Variants in FAM133B observed in about 807,000 individuals in gnomAD.
FAM133B encodes the protein protein FAM133B.
FAM133B carries 25 observed loss-of-function variants against 46.4 expected under a neutral mutation model. That is an observed-to-expected ratio of 0.54 (90% CI 0.39 to 0.75). The LOEUF is 0.75. Ranked by LOEUF, FAM133B falls within the 30% of genes least tolerant of loss-of-function variation. FAM133B has a pLI of 0.00. For missense variants in FAM133B, 205 were observed against 277.6 expected (o/e 0.74, Z 1.86); for synonymous variants, 75 against 86.0 (o/e 0.87, Z 0.71).
At chr7:92,588,705 AT>A (rs1294932334) in intron 1 of FAM133B, among the ~76,000 whole-genome samples, 2 of 152,154 alleles carry the variant, frequency 1.3e-5, no homozygotes, top group East Asian at 3.9e-4. Flanking sequence ...AGGTGACTGG[AT>A]CATGGGGGCG....
intron 8 of FAM133B, among the ~76,000 whole-genome samples, chr7:92,570,580 A>G (rs1478125228): frequency 1.3e-5 from 2 of 152,118 alleles, no homozygotes; most frequent in Non-Finnish European, 2.9e-5. Context: ...TCATTTTATT[A>G]TTTTTCATGG....
At chr7:92,587,731 C>CTAAA (rs139069427) in intron 1 of FAM133B, among the ~76,000 whole-genome samples, 19 of 152,076 alleles carry the variant, frequency 1.2e-4, no homozygotes, top group African/African-American at 3.1e-4. Flanking sequence ...GATACTGTGT[C>CTAAA]TAAATAAATA....
intron 8 of FAM133B, 98 bp from the exon 9 acceptor site, chr7:92,570,013 A>T: frequency 2.0e-6 from 1 of 490,938 alleles, no homozygotes; most frequent in Non-Finnish European, 3.3e-6. Flanking sequence ...TATTATAATT[A>T]CCCATTTTTA....
chr7:92,575,978 T>C (rs936677077), intron 7 of FAM133B, 157 bp from the exon 8 acceptor site: 4 of 371,104 alleles, frequency 1.1e-5, no homozygotes, highest in African/African-American at 2.1e-5. Flanking sequence ...ATATAAGTTA[T>C]GTATACATTT....
Position 92,575,801 on chromosome 7 carries a change from CT to C in FAM133B, c.485del (p.Lys162ArgfsTer108), listed in dbSNP as rs1562893496. On this transcript the variant is annotated frameshift_variant, in exon 8 of 11. Transcript: ENST00000445716. LOFTEE classifies it high-confidence loss of function. ...CTTTCTCAGTTCCATCTTTTGACTT[CT>C]TTTTCTTTTTTAAACTATCCTAAAC... ...SDSKDSLKKK[K>X]KSKDGTEKEK... The C allele has an allele frequency of 2.2e-6, 3 of 1,364,038 alleles. No homozygotes were observed. Among genetic ancestry groups the C allele is most frequent in the South Asian group, 1.2e-5 (1 of 84,674 alleles). 84.5% of individuals were successfully genotyped at this position (1,364,038 alleles called of 1,614,324 possible).
intron 6 of FAM133B, 199 bp downstream of exon 6, chr7:92,577,456 T>G (rs1229258053): frequency 2.2e-6 from 1 of 458,108 alleles, no homozygotes; most frequent in African/African-American, 2.0e-5. Context: ...ACAAAACAAA[T>G]TTTAAAATCT....
chr7:92,590,390 C>T lies in FAM133B; in HGVS notation c.-99G>A, dbSNP rs149737318. The T allele has an allele frequency of 1.3e-3, 2,122 of 1,575,560 alleles. 29 individuals carry two copies. The African/African-American group carries it at 0.026, about 19-fold the overall frequency. On this transcript the variant is annotated 5_prime_UTR_variant, in exon 1 of 11. Transcript: ENST00000445716. ...AGGTCCTCTTGCCGCCTCCCCACTC[C>T]GCCTAGAGAGCGGCACCACGCGGAC...
chr7:92,569,585 T>C (rs1373300262), intron 9 of FAM133B: 1 of 254,446 alleles, frequency 3.9e-6, no homozygotes, highest in African/African-American at 2.2e-5. Flanking sequence ...ATTAGAAGAC[T>C]AAAAATATCT....
At chr7:92,563,539 T>C (rs552293806) in intron 10 of FAM133B, among the ~76,000 whole-genome samples, 24 of 152,166 alleles carry the variant, frequency 1.6e-4, no homozygotes, top group Non-Finnish European at 2.9e-4. Context: ...CTTCCTTCCA[T>C]TGTTTACCAC....
In FAM133B at chr7:92,561,202, C is replaced by T. The variant is rs944785053; in HGVS notation, c.*1080G>A. Reference sequence around the variant, plus strand: ...GTAAGTCTCAGCTTCAATATGAAGCCGTTTTTTTTTTTTAATCAAAACCCT... The same window carrying T: ...GTAAGTCTCAGCTTCAATATGAAGCTGTTTTTTTTTTTTAATCAAAACCCT... On this transcript the variant is annotated 3_prime_UTR_variant, in exon 11 of 11. Transcript: ENST00000445716. 26 of 141,730 alleles carry T rather than the reference C, an allele frequency of 1.8e-4. No individual in the cohort carries two copies. The highest frequency in any genetic ancestry group is 6.5e-4 in the African/African-American group (24 of 37,090). 8.8% of individuals were successfully genotyped at this position (141,730 alleles called of 1,614,324 possible).
In FAM133B at chr7:92,577,139, A is replaced by C. The variant is rs547419261; in HGVS notation, c.429T>G (p.Ser143=). 1.5e-5 allele frequency: 22 copies of C among 1,502,514 alleles called. No homozygotes were observed. In the East Asian group the frequency reaches 5.4e-4, roughly 37 times the overall value. 93.1% of individuals were successfully genotyped at this position (1,502,514 alleles called of 1,614,324 possible). ...KKKKNRSHKS[S]ESSMSETESD... ...ATTCAGTTTCTGACATGGAGCTTTC[A>C]GAAGATTTATGTGAACGGTTCTTCT... Residue 143 remains serine, a synonymous_variant, in exon 7 of 11, where the codon TCT becomes TCG. Coordinates refer to ENST00000445716, the MANE Select transcript of FAM133B (RefSeq NM_152789.4).
chr7:92,587,857 A>G (rs1026718665), intron 1 of FAM133B, among the ~76,000 whole-genome samples: 2 of 152,160 alleles, frequency 1.3e-5, no homozygotes, highest in Non-Finnish European at 2.9e-5. Context: ...AATTTTAACA[A>G]ATGTACCACT....
intron 8 of FAM133B, among the ~76,000 whole-genome samples, chr7:92,570,957 C>G (rs1405725854): frequency 6.6e-6 from 1 of 152,278 alleles, no homozygotes; most frequent in Non-Finnish European, 1.5e-5. Flanking sequence ...CTGTCTGGAA[C>G]CTGCTCTTCT....
chr7:92,568,394 G>A (rs1009841521), intron 9 of FAM133B, among the ~76,000 whole-genome samples: 1 of 152,066 alleles, frequency 6.6e-6, no homozygotes, highest in Non-Finnish European at 1.5e-5. Context: ...TTTCACTCTT[G>A]TTGCCCAGGC....
intron 1 of FAM133B, 108 bp from the exon 2 acceptor site, chr7:92,581,711 G>A (rs1438237202): frequency 1.3e-6 from 1 of 785,520 alleles, no homozygotes; most frequent in East Asian, 2.8e-5. Context: ...ATCCAGCTAA[G>A]TATATGCAAT....
intron 1 of FAM133B, chr7:92,585,480 G>T (rs1019215477): frequency 2.3e-5 from 12 of 525,802 alleles, no homozygotes; most frequent in Admixed American, 6.4e-5. Flanking sequence ...AGGATATTCA[G>T]GTCTAAATTA....
Position 92,562,354 on chromosome 7 carries a change from CTTTTTTG to C in FAM133B, c.665_671del (p.Thr222ArgfsTer46). ...TACTGTGTTTCTTATGCTTCTTTTT[CTTTTTTG>C]TTTTTTCCTGTAAAGATAATTCCAT... is the stretch of plus-strand genomic sequence containing the variant. On this transcript the variant is annotated frameshift_variant, in exon 11 of 11. Coordinates refer to ENST00000445716, the MANE Select transcript of FAM133B (RefSeq NM_152789.4). LOFTEE classifies it high-confidence loss of function. 6.5e-7 allele frequency: 1 copy of C among 1,532,660 alleles called. No individual in the cohort carries two copies. The highest frequency in any genetic ancestry group is 8.7e-7 in the Non-Finnish European group (1 of 1,144,948). The allele number at this position is 1,532,660 out of a possible 1,614,324, so 94.9% of individuals were successfully genotyped here. A position where few individuals can be genotyped will look rare whatever the true frequency, so the allele number is the denominator to read the frequency against.
At chr7:92,583,390 T>C (rs1239235331) in intron 1 of FAM133B, among the ~76,000 whole-genome samples, 1 of 152,216 alleles carries the variant, frequency 6.6e-6, no homozygotes, top group African/African-American at 2.4e-5. Context: ...GTGATGATGG[T>C]TGCACAACAC....
At chr7:92,563,927 A>AT (rs1489167533) in intron 10 of FAM133B, among the ~76,000 whole-genome samples, 1 of 152,218 alleles carries the variant, frequency 6.6e-6, no homozygotes, top group Non-Finnish European at 1.5e-5. Flanking sequence ...TACAAACATC[A>AT]TTCCTCACTT....
Sources: allele counts gnomAD v4.1 joint callset (sites outside exome capture counted in the v4.1 genomes callset), GRCh38; gene constraint gnomAD v4.1.1; transcripts MANE v1.5; gene names NCBI Gene and HGNC (gene_info 2026-07-23, HGNC 2026-07-21).